Variants in SHC3 observed in about 807,000 individuals in gnomAD.
SHC3 encodes SHC-transforming protein 3.
Under a neutral mutation model 60.4 loss-of-function variants are expected in SHC3, and 15 were observed. The observed-to-expected ratio is 0.25, with a 90% confidence interval of 0.17 to 0.38. SHC3 has a LOEUF of 0.38. Ranked by LOEUF, SHC3 falls within the 10% of genes least tolerant of loss-of-function variation. The pLI is 1.00. For missense variants in SHC3, 677 were observed against 786.1 expected, an observed-to-expected ratio of 0.86 and a Z score of 1.66; for synonymous variants, 294 against 325.9, an observed-to-expected ratio of 0.90 and a Z score of 1.05.
chr9:89,107,715 C>T (rs1391673049), intron 2 of SHC3, among the ~76,000 whole-genome samples: 1 of 152,164 alleles, frequency 6.6e-6, no homozygotes, highest in Non-Finnish European at 1.5e-5. Context: ...CCCAAATGCA[C>T]AGGGATCAGG....
At position 89,013,247 on chromosome 9, in the gene SHC3, A is replaced by C. The variant is rs1826037341; in HGVS notation, c.*200T>G. 4.9e-6 allele frequency: 2 copies of C among 411,630 alleles called. No individual in the cohort carries two copies. Among genetic ancestry groups the C allele is most frequent in the African/African-American group, 4.1e-5 (2 of 48,904 alleles). The allele number at this position is 411,630 out of a possible 1,614,324, so 25.5% of individuals were successfully genotyped here. The stretch of plus-strand genomic sequence containing the variant: ...GAGGGATAATTTGTACAGGATGTAT[A>C]GGTATGTACACCTTTAATATGCATA... On this transcript the variant is annotated 3_prime_UTR_variant, in exon 12 of 12. Transcript: ENST00000375835.
At chr9:89,094,678 C>T (rs1019527566) in intron 2 of SHC3, among the ~76,000 whole-genome samples, 2 of 152,024 alleles carry the variant, frequency 1.3e-5, no homozygotes, top group African/African-American at 4.8e-5. Context: ...TGAGGTCACA[C>T]AGTAGGGAGG....
At chr9:89,027,927 G>A (rs1826348459) in intron 11 of SHC3, among the ~76,000 whole-genome samples, 2 of 152,228 alleles carry the variant, frequency 1.3e-5, no homozygotes, top group South Asian at 4.1e-4. Flanking sequence ...CAGTAACTGA[G>A]CCTGCAGCTC....
At chr9:89,057,510 C>T (rs544051370) in intron 6 of SHC3, among the ~76,000 whole-genome samples, 61 of 152,030 alleles carry the variant, frequency 4.0e-4, no homozygotes, top group Non-Finnish European at 7.7e-4. Flanking sequence ...TAAAAGGAGA[C>T]TTCATATACT....
intron 1 of SHC3, among the ~76,000 whole-genome samples, chr9:89,153,555 T>C (rs541245673): frequency 6.6e-6 from 1 of 152,360 alleles, no homozygotes; most frequent in Admixed American, 6.5e-5. Flanking sequence ...CCAAAAGTGA[T>C]TTCCCAAAGC....
intron 1 of SHC3, among the ~76,000 whole-genome samples, chr9:89,132,323 G>A (rs1209773613): frequency 6.6e-6 from 1 of 152,156 alleles, no homozygotes; most frequent in Non-Finnish European, 1.5e-5. Context: ...TTGTGAAAAT[G>A]GCCATACTGC....
chr9:89,034,544 G>C (rs2117859595), intron 11 of SHC3, among the ~76,000 whole-genome samples: 1 of 152,270 alleles, frequency 6.6e-6, no homozygotes, highest in Non-Finnish European at 1.5e-5. Context: ...AAACTGTCCA[G>C]GTCTGCAATG....
At chr9:89,042,458 C>T (rs1824703602) in intron 9 of SHC3, among the ~76,000 whole-genome samples, 1 of 152,198 alleles carries the variant, frequency 6.6e-6, no homozygotes, top group Admixed American at 6.5e-5. Context: ...AAAATTTTGG[C>T]CCTTGCTGCC....
At chr9:89,102,339 G>T (rs529470557) in intron 2 of SHC3, among the ~76,000 whole-genome samples, 2 of 151,894 alleles carry the variant, frequency 1.3e-5, no homozygotes, top group Non-Finnish European at 2.9e-5. Context: ...CTCTTCAAAT[G>T]ACTTAATGGA....
intron 1 of SHC3, among the ~76,000 whole-genome samples, chr9:89,171,378 A>T (rs1826866851): frequency 6.6e-6 from 1 of 152,246 alleles, no homozygotes; most frequent in South Asian, 2.1e-4. Flanking sequence ...GAAGTTTGTC[A>T]GAATGACCTC....
At chr9:89,112,101 T>G (rs1177138467) in intron 2 of SHC3, among the ~76,000 whole-genome samples, 2 of 152,244 alleles carry the variant, frequency 1.3e-5, no homozygotes, top group African/African-American at 2.4e-5. Flanking sequence ...AGAATTGGTC[T>G]GCTTGCTGAA....
chr9:89,082,030 C>T (rs1016591848), intron 2 of SHC3, among the ~76,000 whole-genome samples: 2 of 152,128 alleles, frequency 1.3e-5, no homozygotes, highest in East Asian at 1.9e-4. Flanking sequence ...AAACAGGCGA[C>T]CCCCTTGGTG....
intron 11 of SHC3, among the ~76,000 whole-genome samples, chr9:89,029,241 T>C (rs1824431315): frequency 6.6e-6 from 1 of 151,880 alleles, no homozygotes; most frequent in Non-Finnish European, 1.5e-5. Context: ...AAGAAAATTG[T>C]TCTGATTTAA....
At chr9:89,118,177 C>G (rs1826043178) in intron 1 of SHC3, among the ~76,000 whole-genome samples, 1 of 151,506 alleles carries the variant, frequency 6.6e-6, no homozygotes, top group Non-Finnish European at 1.5e-5. Context: ...TGTTGGTCAC[C>G]ACAGGGAGTG....
intron 6 of SHC3, among the ~76,000 whole-genome samples, chr9:89,056,219 T>C (rs1470151282): frequency 6.6e-6 from 1 of 152,192 alleles, no homozygotes; most frequent in Non-Finnish European, 1.5e-5. Flanking sequence ...TGGAAGTAAA[T>C]GTTATCAGCT....
At chr9:89,039,018 G>T (rs1199863354) in intron 10 of SHC3, among the ~76,000 whole-genome samples, 1 of 152,226 alleles carries the variant, frequency 6.6e-6, no homozygotes, top group Non-Finnish European at 1.5e-5. Context: ...AGCAGCAAAA[G>T]AAGTAGCCAG....
At chr9:89,096,326 C>T (rs774120943) in intron 2 of SHC3, among the ~76,000 whole-genome samples, 10 of 152,144 alleles carry the variant, frequency 6.6e-5, no homozygotes, top group African/African-American at 2.4e-4. Flanking sequence ...CCATCCAATG[C>T]GCCACCAAGG....
intron 1 of SHC3, among the ~76,000 whole-genome samples, chr9:89,146,460 A>G (rs935482523): frequency 3.3e-5 from 5 of 152,216 alleles, no homozygotes; most frequent in African/African-American, 1.2e-4. Context: ...CATAAATCCA[A>G]GAAAAAGAAA....
intron 6 of SHC3, among the ~76,000 whole-genome samples, chr9:89,056,309 C>T (rs367715079): frequency 5.9e-5 from 9 of 152,230 alleles, no homozygotes; most frequent in Non-Finnish European, 8.8e-5. Flanking sequence ...TGCAATGGCG[C>T]GATCTTGGCT....
Sources: gnomAD v4.1 joint callset for allele counts (sites outside exome capture counted in the v4.1 genomes callset) on GRCh38, gnomAD v4.1.1 for gene constraint, MANE v1.5 for transcripts, NCBI Gene and HGNC (gene_info 2026-07-23, HGNC 2026-07-21) for gene names.